Variants in EPG5 observed in about 807,000 individuals in gnomAD.
The protein encoded by EPG5 is ectopic P granules protein 5 homolog.
Under a neutral mutation model 302.7 loss-of-function variants are expected in EPG5, and 159 were observed. The ratio of observed to expected loss-of-function variants is 0.53; its 90% CI spans 0.46 to 0.60. The LOEUF (loss-of-function observed/expected upper bound fraction) is 0.60. Ranked by LOEUF, EPG5 falls within the 20% of genes least tolerant of loss-of-function variation. The pLI is 0.00. For missense variants in EPG5, 2,896 were observed against 3,092.4 expected, an observed-to-expected ratio of 0.94 and a Z score of 1.51; for synonymous variants, 1,158 against 1,136.8, an observed-to-expected ratio of 1.02 and a Z score of -0.37.
rs762207905 is a variant in EPG5 at position 45,880,140 on chromosome 18, C to T, written c.5602G>A (p.Gly1868Arg). 6.2e-7 allele frequency: 1 copy of T among 1,611,506 alleles called. No individual in the cohort carries two copies. The highest frequency in any genetic ancestry group is 8.5e-7 in the Non-Finnish European group (1 of 1,178,514). Residue 1868 changes from glycine (G) to arginine (R), a missense_variant, in exon 32 of 44, where the codon GGG becomes AGG. Coordinates refer to ENST00000282041, the MANE Select transcript of EPG5 (RefSeq NM_020964.3). ...ACGGCGCCCTCGGTGGACGCTGCCC[C>T]CTGCTGGCAGCTGGGGGCGCAGCAG... Reference protein sequence around the residue: ...LGCCAPSCQQGAASTEGAVLP... With the variant: ...LGCCAPSCQQRAASTEGAVLP...
chr18:45,813,777 AG>A, the EPG5 span, among the ~76,000 whole-genome samples: 1 of 132,270 alleles, frequency 7.6e-6, no homozygotes, highest in Non-Finnish European at 1.6e-5. Flanking sequence ...GGGTGGGTGG[AG>A]GGGGAGGGAT....
chr18:45,903,790 T>C (rs916391521), intron 25 of EPG5, among the ~76,000 whole-genome samples, 183 bp downstream of exon 25: 4 of 152,196 alleles, frequency 2.6e-5, no homozygotes, highest in African/African-American at 9.6e-5. Context: ...TTTTCAAAAC[T>C]GCAAAGTAAT....
intron 3 of EPG5, 150 bp from the exon 4 acceptor site, chr18:45,951,388 T>C (rs1346901664): frequency 4.4e-6 from 2 of 458,642 alleles, no homozygotes; most frequent in Non-Finnish European, 7.1e-6. Flanking sequence ...CTTAAATTTT[T>C]ATAAACAGAC....
intron 24 of EPG5, among the ~76,000 whole-genome samples, chr18:45,905,058 GTAAA>G (rs1350642748): frequency 6.6e-6 from 1 of 151,836 alleles, no homozygotes; most frequent in Non-Finnish European, 1.5e-5. Context: ...TGTCAAATAA[GTAAA>G]TAAATAAAAT....
chr18:45,824,656 C>T, the EPG5 span, among the ~76,000 whole-genome samples: 1 of 152,224 alleles, frequency 6.6e-6, no homozygotes, highest in South Asian at 2.1e-4. Context: ...AAGGCACGGC[C>T]AAAGGGAGGA....
rs564656043 is a variant in EPG5 at position 45,928,050 on chromosome 18, G to A, written c.2553+819C>T. On this transcript the variant is annotated intron_variant, in intron 13 of 43. Coordinates refer to ENST00000282041, the MANE Select transcript of EPG5 (RefSeq NM_020964.3). ...CTCTATTAAAAATACAAAAAAATTA[G>A]CTGGGCATGGTGGCGGGCGCCTGTA... is the stretch of plus-strand genomic sequence containing the variant. 2.6e-5 allele frequency among the ~76,000 whole-genome samples: 4 copies of A among 152,120 alleles called. No individual in the cohort carries two copies. The South Asian group carries it at 8.3e-4, about 32-fold the overall frequency.
chr18:45,926,668 A>AAGTAGTAGAG (rs2050275891), intron 13 of EPG5, among the ~76,000 whole-genome samples: 3 of 151,872 alleles, frequency 2.0e-5, no homozygotes, highest in Admixed American at 2.0e-4. Flanking sequence ...CTCTACTAAA[A>AAGTAGTAGAG]ATTAGCCAGG....
At chr18:45,839,006 C>A in the EPG5 span, 10 of 1,592,778 alleles carry the variant, frequency 6.3e-6, no homozygotes, top group South Asian at 1.1e-4. Context: ...AGCGGGGCCT[C>A]GACGGTCGCC....
intron 27 of EPG5, among the ~76,000 whole-genome samples, chr18:45,894,276 A>G (rs1441214002): frequency 6.6e-6 from 1 of 152,072 alleles, no homozygotes; most frequent in Non-Finnish European, 1.5e-5. Context: ...CCTGGCCAAC[A>G]TGGTGAAACC....
chr18:45,910,418 G>T, intron 23 of EPG5, 103 bp downstream of exon 23: 1 of 825,628 alleles, frequency 1.2e-6, no homozygotes, highest in Non-Finnish European at 1.9e-6. Context: ...CAATCTAACC[G>T]TGTTAAGAGA....
Position 45,850,884 on chromosome 18 carries a change from C to A in EPG5, c.*1583G>T, listed in dbSNP as rs2048414514. The A allele has an allele frequency of 6.6e-6, 1 of 152,488 alleles. No individual in the cohort carries two copies. The highest frequency in any genetic ancestry group is 1.5e-5 in the Non-Finnish European group (1 of 68,018). The allele number at this position is 152,488 out of a possible 1,614,324, so 9.4% of individuals were successfully genotyped here. A position where few individuals can be genotyped will look rare whatever the true frequency, so the allele number is the denominator to read the frequency against. On this transcript the variant is annotated 3_prime_UTR_variant, in exon 44 of 44. Coordinates refer to ENST00000282041, the MANE Select transcript of EPG5 (RefSeq NM_020964.3). ...TTCTCAAATTTTCTTATACAGAGAA[C>A]AAGATGATTAATTTTGAAAACGGAG...
At chr18:45,844,983 T>G (rs2048352919), downstream of EPG5, among the ~76,000 whole-genome samples, 1 of 152,248 alleles carries the variant, frequency 6.6e-6, no homozygotes. Context: ...TTGAGATCAT[T>G]AACATGAATG....
intron 39 of EPG5, among the ~76,000 whole-genome samples, chr18:45,864,736 T>C (rs2048710067): frequency 6.6e-6 from 1 of 152,212 alleles, no homozygotes; most frequent in Non-Finnish European, 1.5e-5. Context: ...AATTCTTAGA[T>C]TGAGGTTGTT....
the EPG5 span, chr18:45,840,370 G>GCAAGGAAGGCCCAGCCCCT: frequency 1.8e-6 from 2 of 1,081,524 alleles, no homozygotes; most frequent in Non-Finnish European, 2.6e-6. Flanking sequence ...ACCAGGGGCT[G>GCAAGGAAGGCCCAGCCCCT]GGCCTTCCTT....
chr18:45,817,825 C>T, the EPG5 span, among the ~76,000 whole-genome samples: 3 of 152,284 alleles, frequency 2.0e-5, no homozygotes, highest in East Asian at 5.8e-4. Flanking sequence ...CTGCCATATT[C>T]TATTCATTAG....
intron 7 of EPG5, among the ~76,000 whole-genome samples, chr18:45,946,289 C>G (rs1333125699): frequency 2.0e-5 from 3 of 152,118 alleles, no homozygotes; most frequent in Non-Finnish European, 2.9e-5. Context: ...AGGTGAGGCT[C>G]CAACCCCAGC....
Position 45,879,214 on chromosome 18 carries a change from C to T in EPG5, c.5668G>A (p.Val1890Ile), listed in dbSNP as rs760734107. 9.4e-6 allele frequency: 15 copies of T among 1,598,146 alleles called. No individual in the cohort carries two copies. Among genetic ancestry groups the T allele is most frequent in the Non-Finnish European group, 1.1e-5 (13 of 1,175,082 alleles). ...GAAAGCCACTGTATAGTCTCCATTA[C>T]CTGGAAGAGACAACTAGTCAAAAAA... is the stretch of plus-strand genomic sequence containing the variant. The part of the protein sequence containing the change: ...SSDALLSDKQ[V>I]METIQWLSDF... Residue 1890 changes from valine to isoleucine, a missense_variant and splice_region_variant, in exon 33 of 44, where the codon GTA (valine) becomes ATA (isoleucine). Coordinates refer to ENST00000282041, the MANE Select transcript of EPG5 (RefSeq NM_020964.3).
At chr18:45,858,517 G>T in intron 41 of EPG5, 49 bp downstream of exon 41, 1 of 1,457,668 alleles carries the variant, frequency 6.9e-7, no homozygotes, top group Non-Finnish European at 9.6e-7. Context: ...TAAATTCCAA[G>T]TTAACCAAAT....
chr18:45,939,751 T>C lies in EPG5; in HGVS notation c.1948A>G (p.Thr650Ala), dbSNP rs371884344. 1.2e-4 allele frequency: 192 copies of C among 1,613,040 alleles called. No individual in the cohort carries two copies. The highest frequency in any genetic ancestry group is 1.6e-4 in the Non-Finnish European group (184 of 1,179,814). The change falls in exon 10 of 44, where the codon ACT (threonine) becomes GCT (alanine). Residue 650 changes from threonine to alanine, a missense_variant. Physicochemically the swap from Thr to Ala is moderately conservative, Grantham distance 58. This residue lies in a region of EPG5 where 1,390 missense variants were observed against 1,430.0 expected (regional missense o/e 0.97). Coordinates refer to ENST00000282041, the MANE Select transcript of EPG5 (RefSeq NM_020964.3). ...CAATGGTCACTTACATAACCAAGAG[T>C]CATCCTGAGCATGAGGAAAGATAAT... ...VKRIGYMIRM[T>A]LGYVSDHWAQ...
Sources: gnomAD v4.1 joint callset for allele counts (sites outside exome capture counted in the v4.1 genomes callset) on GRCh38, gnomAD v4.1.1 for gene constraint, gnomAD v4.1.1 regional missense constraint, MANE v1.5 for transcripts, NCBI Gene and HGNC (gene_info 2026-07-23, HGNC 2026-07-21) for gene names.